The following NPRL3 variants were observed in gnomAD, a reference collection of about 807,000 sequenced individuals.
The protein encoded by NPRL3 is GATOR1 complex protein NPRL3.
A neutral mutation model predicts 57.2 loss-of-function variants in NPRL3; 23 were observed. The observed-to-expected ratio is 0.40, with a 90% confidence interval of 0.29 to 0.57. The LOEUF is 0.57. Among genes scored for constraint, NPRL3 ranks in the 20% least tolerant of loss-of-function variants. The pLI is 0.42. For synonymous variants in NPRL3, 333 were observed against 321.1 expected (o/e 1.04, Z -0.39); for missense variants, 691 against 767.1 (o/e 0.90, Z 1.17).
chr16:92,716 C>G lies in NPRL3; in HGVS notation c.1041G>C (p.Pro347=), dbSNP rs1128426. 1.2e-6 allele frequency: 2 copies of G among 1,613,284 alleles called. No homozygotes were observed. The highest frequency in any genetic ancestry group is 1.3e-5 in the African/African-American group (1 of 74,930). Residue 347 remains proline, a synonymous_variant, in exon 11 of 14, where the codon CCG becomes CCC. Coordinates refer to ENST00000611875, the MANE Select transcript of NPRL3 (RefSeq NM_001077350.3). ...ACTGGTGGGAGAACTGCTCGGCCAGCGGGGAGTACCTGCAGGCAGGTGAGC... is the reference window on the plus strand; with the variant it reads ...ACTGGTGGGAGAACTGCTCGGCCAGGGGGGAGTACCTGCAGGCAGGTGAGC... ...SPNASVCLYS[P]LAEQFSHQFP...
chr16:91,713 C>T (rs1158502759), intron 11 of NPRL3, among the ~76,000 whole-genome samples: 1 of 152,180 alleles, frequency 6.6e-6, no homozygotes, highest in Non-Finnish European at 1.5e-5. Flanking sequence ...CGTTCTCATT[C>T]GTAATTTGAG....
intron 2 of NPRL3, among the ~76,000 whole-genome samples, chr16:132,668 C>CTTTTT (rs869062857): frequency 4.2e-5 from 5 of 120,286 alleles, no homozygotes; most frequent in South Asian, 2.4e-4. Flanking sequence ...AATTGTATTT[C>CTTTTT]TTTTTTTTTT....
At chr16:116,408 A>C (rs1900035521) in intron 5 of NPRL3, among the ~76,000 whole-genome samples, 1 of 152,200 alleles carries the variant, frequency 6.6e-6, no homozygotes, top group Non-Finnish European at 1.5e-5. Context: ...AATACTACAA[A>C]AGTGTATCAA....
chr16:103,920 G>C (rs550817602), intron 7 of NPRL3, among the ~76,000 whole-genome samples: 499 of 152,292 alleles, frequency 3.3e-3, no homozygotes, highest in Middle Eastern at 0.01. Context: ...TTTGAGACCA[G>C]ACTGACCAAC....
chr16:100,783 T>TC (rs1567134952), intron 7 of NPRL3, among the ~76,000 whole-genome samples: 2 of 146,170 alleles, frequency 1.4e-5, no homozygotes, highest in East Asian at 4.0e-4. Flanking sequence ...GCCTGGCTAA[T>TC]AACACGGTGA....
intron 7 of NPRL3, among the ~76,000 whole-genome samples, chr16:102,676 C>T (rs913145482): frequency 5.3e-5 from 8 of 152,212 alleles, no homozygotes; most frequent in South Asian, 4.1e-4. Flanking sequence ...CACCCACATC[C>T]GGCTAAGTCC....
intron 3 of NPRL3, among the ~76,000 whole-genome samples, chr16:121,348 C>A (rs905938018): frequency 6.6e-6 from 1 of 152,182 alleles, no homozygotes; most frequent in African/African-American, 2.4e-5. Flanking sequence ...CTGGGCCAGG[C>A]GTGGTGGCTC....
In NPRL3 at chr16:86,873, G is replaced by A; in HGVS notation, c.1545-3C>T. On this transcript the variant is annotated splice_region_variant and splice_polypyrimidine_tract_variant and intron_variant, in intron 13 of 13. Coordinates refer to ENST00000611875, the MANE Select transcript of NPRL3 (RefSeq NM_001077350.3). Reference sequence around the variant, plus strand: ...GGCCGCGGAAGTAGTGAAGGAGCCTGGAAGGGATGGGTGGGTGTGAGCCCA... The same window carrying A: ...GGCCGCGGAAGTAGTGAAGGAGCCTAGAAGGGATGGGTGGGTGTGAGCCCA... The A allele has an allele frequency of 6.2e-7, 1 of 1,612,190 alleles. No individual in the cohort carries two copies. Among genetic ancestry groups the A allele is most frequent in the South Asian group, 1.1e-5 (1 of 90,884 alleles).
At chr16:87,543 T>TC (rs1402331374) in intron 13 of NPRL3, among the ~76,000 whole-genome samples, 2 of 149,690 alleles carry the variant, frequency 1.3e-5, no homozygotes, top group East Asian at 4.0e-4. Flanking sequence ...AGCCTGCTTT[T>TC]TTTTTTTTGA....
intron 2 of NPRL3, among the ~76,000 whole-genome samples, chr16:131,670 G>T (rs79348850): frequency 0.015 from 2,268 of 150,382 alleles, 65 homozygotes; most frequent in African/African-American, 0.053. Context: ...GCTGGAGAAA[G>T]GTATTGCCTC....
intron 3 of NPRL3, 130 bp downstream of exon 3, chr16:130,392 C>T: frequency 1.1e-6 from 1 of 877,190 alleles, no homozygotes; most frequent in Non-Finnish European, 1.7e-6. Context: ...CCTGAGAGCA[C>T]CCACTAAACG....
At chr16:124,508 A>G (rs1330550651) in intron 3 of NPRL3, among the ~76,000 whole-genome samples, 5 of 152,038 alleles carry the variant, frequency 3.3e-5, no homozygotes, top group Non-Finnish European at 7.4e-5. Flanking sequence ...GCCTAAAACT[A>G]ATCTTTGTGG....
intron 3 of NPRL3, 46 bp from the exon 4 acceptor site, chr16:119,301 C>G: frequency 6.4e-7 from 1 of 1,553,416 alleles, no homozygotes; most frequent in Non-Finnish European, 8.7e-7. Flanking sequence ...AACAAAATAC[C>G]ACAGCACCAT....
intron 3 of NPRL3, 126 bp from the exon 4 acceptor site, chr16:119,381 C>A: frequency 1.1e-6 from 1 of 879,114 alleles, no homozygotes; most frequent in South Asian, 1.7e-5. Flanking sequence ...GCCCCGACTG[C>A]TGGTGGAAGC....
chr16:126,508 C>T (rs1900526568), intron 3 of NPRL3, among the ~76,000 whole-genome samples: 1 of 151,902 alleles, frequency 6.6e-6, no homozygotes, highest in Non-Finnish European at 1.5e-5. Flanking sequence ...ATCAGTTCTT[C>T]TCTAAACCTC....
chr16:129,676 A>T (rs1346638138), intron 3 of NPRL3, among the ~76,000 whole-genome samples: 2 of 152,298 alleles, frequency 1.3e-5, no homozygotes, highest in East Asian at 1.9e-4. Flanking sequence ...AAATTTTTTT[A>T]AAAAGACTTG....
At chr16:129,489 C>A (rs1392654187) in intron 3 of NPRL3, among the ~76,000 whole-genome samples, 2 of 152,112 alleles carry the variant, frequency 1.3e-5, no homozygotes, top group Non-Finnish European at 2.9e-5. Context: ...GCCCCAACAT[C>A]CTCCCAAATG....
chr16:127,897 C>G lies in NPRL3; in HGVS notation c.188+2625G>C, dbSNP rs113357211. Among the ~76,000 whole-genome samples, 1,465 of 152,176 alleles carry G rather than the reference C, an allele frequency of 9.6e-3. 27 individuals are homozygous for G. Among genetic ancestry groups the G allele is most frequent in the African/African-American group, 0.029 (1,200 of 41,516 alleles). ...GTCTCGATCTCCTGACCTCATGATC[C>G]GCCCGCCTTGGCCTCCCAAAGGGCT... On this transcript the variant is annotated intron_variant, in intron 3 of 13. Transcript: ENST00000611875.
Position 112,744 on chromosome 16 carries a change from A to G in NPRL3, c.425T>C (p.Leu142Pro). 2 of 1,611,132 alleles carry G rather than the reference A, an allele frequency of 1.2e-6. No individual in the cohort carries two copies. Among genetic ancestry groups the G allele is most frequent in the Non-Finnish European group, 1.7e-6 (2 of 1,177,956 alleles). ...GGCGATACGACGGGACAGGTTATGC[A>G]GACAGTTTATCACTGACGGGTCTGC... The part of the protein sequence containing the change: ...ANADPSVINC[L>P]HNLSRRIATV... The change falls in exon 6 of 14, where the codon CTG (leucine) becomes CCG (proline). Residue 142 changes from leucine (L) to proline (P), a missense_variant. Coordinates refer to ENST00000611875, the MANE Select transcript of NPRL3 (RefSeq NM_001077350.3).
Sources: allele counts gnomAD v4.1 joint callset (sites outside exome capture counted in the v4.1 genomes callset), GRCh38; gene constraint gnomAD v4.1.1; transcripts MANE v1.5; gene names NCBI Gene and HGNC (gene_info 2026-07-23, HGNC 2026-07-21).